Variants in APP observed in about 807,000 individuals in gnomAD.
The protein encoded by APP is amyloid beta precursor protein.
APP carries 31 observed loss-of-function variants against 101.4 expected under a neutral mutation model. The ratio of observed to expected loss-of-function variants is 0.31; its 90% CI spans 0.23 to 0.41. The LOEUF (loss-of-function observed/expected upper bound fraction) is 0.41. APP is among the 10% of genes least tolerant of loss of function. APP has a pLI of 1.00. For missense variants in APP, 839 were observed against 1,003.7 expected, an observed-to-expected ratio of 0.84 and a Z score of 2.22; for synonymous variants, 366 against 364.4, an observed-to-expected ratio of 1.00 and a Z score of -0.05.
intron 2 of APP, among the ~76,000 whole-genome samples, chr21:26,094,035 G>A (rs147521161): frequency 1.2e-3 from 177 of 150,686 alleles, no homozygotes; most frequent in Admixed American, 3.1e-3. Context: ...AGAATCGCAG[G>A]AACCCAGGAA....
chr21:25,898,029 C>T (rs1165517408), intron 15 of APP: 2 of 290,264 alleles, frequency 6.9e-6, no homozygotes, highest in Non-Finnish European at 1.3e-5. Context: ...TATTGTTTAG[C>T]CTATTATGTG....
intron 1 of APP, among the ~76,000 whole-genome samples, chr21:26,139,275 T>C (rs757023968): frequency 1.1e-4 from 16 of 152,200 alleles, no homozygotes; most frequent in Admixed American, 2.0e-4. Context: ...AGAATGTACA[T>C]TATCGTGTGC....
chr21:26,134,045 T>C (rs2830080), intron 1 of APP, among the ~76,000 whole-genome samples: 24,827 of 152,190 alleles, frequency 0.16, 2,217 homozygotes, highest in Admixed American at 0.24. Flanking sequence ...CATGTTAAAG[T>C]ACAGCATTTG....
chr21:26,168,197 C>G (rs2146404790), intron 1 of APP, among the ~76,000 whole-genome samples: 1 of 152,246 alleles, frequency 6.6e-6, no homozygotes, highest in East Asian at 1.9e-4. Flanking sequence ...ATCATCAACC[C>G]AGATAATAAC....
intron 6 of APP, among the ~76,000 whole-genome samples, chr21:26,019,096 G>A (rs545163647): frequency 1.3e-5 from 2 of 152,318 alleles, no homozygotes; most frequent in East Asian, 3.9e-4. Flanking sequence ...GTCACTCCTT[G>A]TTCACCTGTT....
At chr21:26,151,431 C>T (rs2063267144) in intron 1 of APP, among the ~76,000 whole-genome samples, 1 of 152,170 alleles carries the variant, frequency 6.6e-6, no homozygotes, top group Non-Finnish European at 1.5e-5. Context: ...GTTTGAACTA[C>T]TAGATCAGCC....
At chr21:26,150,745 T>C (rs1244072395) in intron 1 of APP, among the ~76,000 whole-genome samples, 2 of 152,228 alleles carry the variant, frequency 1.3e-5, no homozygotes, top group East Asian at 3.8e-4. Flanking sequence ...TGGCATAGTG[T>C]TGGTGTTCAA....
At chr21:25,989,764 T>C (rs922626128) in intron 8 of APP, among the ~76,000 whole-genome samples, 6 of 152,200 alleles carry the variant, frequency 3.9e-5, no homozygotes, top group Admixed American at 2.0e-4. Flanking sequence ...AGCAATGTTG[T>C]CATTTGAGAT....
At chr21:26,108,369 C>A (rs577874923) in intron 2 of APP, among the ~76,000 whole-genome samples, 1 of 152,216 alleles carries the variant, frequency 6.6e-6, no homozygotes, top group South Asian at 2.1e-4. Flanking sequence ...CTTTGAGATA[C>A]GGTATCTATC....
intron 1 of APP, among the ~76,000 whole-genome samples, chr21:26,139,480 G>A (rs572986348): frequency 6.6e-6 from 1 of 152,252 alleles, no homozygotes; most frequent in African/African-American, 2.4e-5. Flanking sequence ...ATAGATCTCT[G>A]GGCCCACTCC....
chr21:26,029,584 T>A (rs61091178), intron 5 of APP, among the ~76,000 whole-genome samples: 6,866 of 151,414 alleles, frequency 0.045, 542 homozygotes, highest in African/African-American at 0.16. Flanking sequence ...GCAGGGTGGG[T>A]AGAGCATGTG....
At chr21:26,034,620 C>A (rs1311437176) in intron 5 of APP, among the ~76,000 whole-genome samples, 1 of 127,664 alleles carries the variant, frequency 7.8e-6, no homozygotes. Flanking sequence ...CCAGCCTGGG[C>A]GACAGAGCAA....
rs1019064838 is a variant in APP, at chr21:26,011,866, C to T, written c.865+9974G>A. On this transcript the variant is annotated intron_variant, in intron 6 of 17. Transcript: ENST00000346798. ...TGCCATCCATATTCTGTGATACTTG[C>T]ATATTCTGTCTAGAAATTATACCCA... Among the ~76,000 whole-genome samples the T allele has an allele frequency of 6.2e-4, 95 of 152,312 alleles. 1 individual carries two copies. The highest frequency in any genetic ancestry group is 1.2e-4 in the Non-Finnish European group (8 of 68,024).
chr21:26,020,136 T>A (rs2044274089), intron 6 of APP, among the ~76,000 whole-genome samples: 3 of 152,148 alleles, frequency 2.0e-5, no homozygotes, highest in Non-Finnish European at 1.5e-5. Flanking sequence ...GTTAAAGAAA[T>A]GTAGAACCTC....
At chr21:26,064,795 A>G (rs2046397250) in intron 3 of APP, among the ~76,000 whole-genome samples, 1 of 152,224 alleles carries the variant, frequency 6.6e-6, no homozygotes, top group South Asian at 2.1e-4. Flanking sequence ...CAGATAAGGA[A>G]TGGCTCTCTG....
chr21:26,163,225 GTAAA>G (rs2063532371), intron 1 of APP, among the ~76,000 whole-genome samples: 1 of 82,900 alleles, frequency 1.2e-5, no homozygotes, highest in Non-Finnish European at 2.2e-5. Context: ...GGGTGACACA[GTAAA>G]ACTCAGTCTC....
chr21:26,140,477 A>G, intron 1 of APP: 1 of 767,254 alleles, frequency 1.3e-6, no homozygotes, highest in Non-Finnish European at 1.8e-6. Flanking sequence ...GGTAGAGTAA[A>G]TCAATTTCCT....
Position 26,051,238 on chromosome 21 carries a change from T to C in APP, c.469-45A>G, listed in dbSNP as rs2045826686. On this transcript the variant is annotated intron_variant, in intron 4 of 17. Coordinates refer to ENST00000346798, the MANE Select transcript of APP (RefSeq NM_000484.4). ...AACAGTGAGTGGTAGAGTAGATGTGTTTCATTGTAAGAAAACTCCACATAA... is the reference window on the plus strand; with the variant it reads ...AACAGTGAGTGGTAGAGTAGATGTGCTTCATTGTAAGAAAACTCCACATAA... 5.8e-6 allele frequency: 9 copies of C among 1,558,574 alleles called. No individual in the cohort carries two copies. In the East Asian group the frequency reaches 2.0e-4, roughly 35 times the overall value.
intron 11 of APP, among the ~76,000 whole-genome samples, chr21:25,965,626 A>T (rs2041767030): frequency 6.6e-6 from 1 of 152,198 alleles, no homozygotes. Flanking sequence ...TTAAACTGGT[A>T]TCCATGGTCA....
Sources: allele counts gnomAD v4.1 joint callset (sites outside exome capture counted in the v4.1 genomes callset), GRCh38; gene constraint gnomAD v4.1.1; transcripts MANE v1.5; gene names NCBI Gene and HGNC (gene_info 2026-07-23, HGNC 2026-07-21).